The following UBR1 variants were observed in gnomAD, a reference collection of about 807,000 sequenced individuals.
UBR1 encodes the protein E3 ubiquitin-protein ligase UBR1.
UBR1 carries 102 observed loss-of-function variants against 242.1 expected under a neutral mutation model. The ratio of observed to expected loss-of-function variants is 0.42; its 90% CI spans 0.36 to 0.50. The LOEUF (loss-of-function observed/expected upper bound fraction) is 0.50, where lower values mean the gene tolerates loss of function less well. UBR1 is among the 20% of genes least tolerant of loss of function. The probability of loss-of-function intolerance (pLI) is 0.01; values close to 1 mark genes in which losing one functional copy is unlikely to be tolerated. For synonymous variants in UBR1, 675 were observed against 684.8 expected, an observed-to-expected ratio of 0.99 and a Z score of 0.22; for missense variants, 1,772 against 2,101.8, an observed-to-expected ratio of 0.84 and a Z score of 3.07.
At chr15:42,988,611 G>T in intron 35 of UBR1, 1 of 650,324 alleles carries the variant, frequency 1.5e-6, no homozygotes, top group South Asian at 1.9e-5. Flanking sequence ...AACTTATGTT[G>T]CATATGGCCA....
intron 42 of UBR1, among the ~76,000 whole-genome samples, chr15:42,961,112 C>CCTTTT (rs1555441994): frequency 7.1e-6 from 1 of 141,264 alleles, no homozygotes; most frequent in Non-Finnish European, 1.5e-5. Context: ...TATGTTCCCC[C>CCTTTT]TTTTTTTTTT....
intron 37 of UBR1, among the ~76,000 whole-genome samples, chr15:42,979,793 A>G (rs575823907): frequency 3.3e-5 from 5 of 152,164 alleles, no homozygotes; most frequent in African/African-American, 1.2e-4. Context: ...CCTCGCCTCA[A>G]GAGGTCCACC....
At chr15:43,103,401 C>T (rs2034261508) in intron 1 of UBR1, among the ~76,000 whole-genome samples, 1 of 152,126 alleles carries the variant, frequency 6.6e-6, no homozygotes, top group East Asian at 1.9e-4. Context: ...ACAACCTCAA[C>T]TATAAATTTA....
At chr15:43,004,821 C>T (rs1215186482) in intron 30 of UBR1, among the ~76,000 whole-genome samples, 2 of 152,024 alleles carry the variant, frequency 1.3e-5, no homozygotes, top group Admixed American at 6.5e-5. Context: ...AAGTGAGGAG[C>T]GGCTCTGCCT....
At position 42,944,987 on chromosome 15, in the gene UBR1, C is replaced by A. The variant is rs1422738768; in HGVS notation, c.*342G>T. ...GGGGAAAACACCAAATACAAAATTG[C>A]AGAAGAGTTAACCAACATATAAAAT... On this transcript the variant is annotated 3_prime_UTR_variant, in exon 47 of 47. Coordinates refer to ENST00000290650, the MANE Select transcript of UBR1 (RefSeq NM_174916.3). 1.0e-5 allele frequency: 3 copies of A among 291,734 alleles called. No homozygotes were observed. Among genetic ancestry groups the A allele is most frequent in the Non-Finnish European group, 1.3e-5 (2 of 150,678 alleles). The allele number at this position is 291,734 out of a possible 1,614,324, so 18.1% of individuals were successfully genotyped here.
At position 43,079,480 on chromosome 15, in the gene UBR1, G is replaced by A. The variant is rs1567146321; in HGVS notation, c.417+3158C>T. ...CCTAGTAAAACTATTTGACTTTAAA[G>A]ATAAAAGTCCTGAGGGTGGCCAGGA... is the stretch of plus-strand genomic sequence containing the variant. On this transcript the variant is annotated intron_variant, in intron 3 of 46. Coordinates refer to ENST00000290650, the MANE Select transcript of UBR1 (RefSeq NM_174916.3). Among the ~76,000 whole-genome samples, 6 of 152,240 alleles carry A rather than the reference G, an allele frequency of 3.9e-5. No homozygotes were observed. In the South Asian group the frequency reaches 1.2e-3, roughly 32 times the overall value.
rs778561360 is a variant in UBR1 at position 43,017,230 on chromosome 15, C to T, written c.2941-49G>A. On this transcript the variant is annotated intron_variant, in intron 27 of 46. Coordinates refer to ENST00000290650, the MANE Select transcript of UBR1 (RefSeq NM_174916.3). ...AAAAGAGTTAGTTAGACTGTTAGACCGACCAGGAACAGAAACATTCACTAA... is the reference window on the plus strand; with the variant it reads ...AAAAGAGTTAGTTAGACTGTTAGACTGACCAGGAACAGAAACATTCACTAA... 9.3e-6 allele frequency: 12 copies of T among 1,285,928 alleles called. 1 individual carries two copies. The South Asian group carries it at 9.7e-5, about 10-fold the overall frequency. The allele number at this position is 1,285,928 out of a possible 1,614,324, so 79.7% of individuals were successfully genotyped here.
chr15:42,968,514 T>C (rs2032148949), intron 40 of UBR1, among the ~76,000 whole-genome samples: 1 of 151,990 alleles, frequency 6.6e-6, no homozygotes, highest in Non-Finnish European at 1.5e-5. Context: ...CATGAACCAT[T>C]GCACCTAGCT....
In UBR1 at chr15:42,960,677, T is replaced by C; in HGVS notation, c.4725A>G (p.Leu1575=). 1 of 1,614,038 alleles carries C rather than the reference T, an allele frequency of 6.2e-7. No individual in the cohort carries two copies. The highest frequency in any genetic ancestry group is 8.5e-7 in the Non-Finnish European group (1 of 1,179,938). ...CGGTGTTTTTTTGCTTCAAACAGTT[T>C]AGTAAGGCAGGATCTGCACACCACC... The part of the protein sequence containing the change: ...LQRWCADPAL[L]NCLKQKNTVV... Residue 1575 remains leucine, a synonymous_variant, in exon 43 of 47, where the codon CTA becomes CTG. Transcript: ENST00000290650.
At chr15:43,059,582 A>G in intron 8 of UBR1, 120 bp downstream of exon 8, 1 of 1,210,652 alleles carries the variant, frequency 8.3e-7, no homozygotes, top group Non-Finnish European at 1.1e-6. Context: ...ATCAAAGTGT[A>G]TAAACCAAAA....
chr15:43,085,904 C>T, intron 2 of UBR1, 80 bp downstream of exon 2: 1 of 1,435,844 alleles, frequency 7.0e-7, no homozygotes, highest in South Asian at 1.3e-5. Flanking sequence ...CTGGGTCACA[C>T]AGCAAGACTC....
chr15:43,074,837 T>C (rs2033867708), intron 4 of UBR1, 142 bp downstream of exon 4: 3 of 680,120 alleles, frequency 4.4e-6, no homozygotes, highest in Non-Finnish European at 5.3e-6. Flanking sequence ...TCTTTGGAGC[T>C]AGAAAAAAAG....
intron 29 of UBR1, among the ~76,000 whole-genome samples, chr15:43,007,893 A>G (rs895221894): frequency 6.6e-6 from 1 of 152,192 alleles, no homozygotes; most frequent in Admixed American, 6.5e-5. Flanking sequence ...TTAGGTTTCT[A>G]TTCTATTTTG....
At chr15:42,970,116 A>G (rs2032179382) in intron 40 of UBR1, among the ~76,000 whole-genome samples, 1 of 152,190 alleles carries the variant, frequency 6.6e-6, no homozygotes, top group Non-Finnish European at 1.5e-5. Flanking sequence ...ACAATAACCA[A>G]AACAGCATGG....
intron 41 of UBR1, among the ~76,000 whole-genome samples, chr15:42,964,358 A>G (rs532698594): frequency 6.6e-6 from 1 of 152,174 alleles, no homozygotes; most frequent in Non-Finnish European, 1.5e-5. Context: ...AATCCCAGCT[A>G]CTAGGGAGGC....
intron 39 of UBR1, 116 bp from the exon 40 acceptor site, chr15:42,970,723 T>C (rs1040322569): frequency 7.2e-6 from 7 of 975,380 alleles, no homozygotes; most frequent in African/African-American, 6.6e-5. Flanking sequence ...CTGAGGTTCT[T>C]TCCTTTTTTT....
chr15:42,966,823 A>AAAAAACAAAAGCAAAAC (rs1171378740), intron 40 of UBR1, among the ~76,000 whole-genome samples: 2 of 152,164 alleles, frequency 1.3e-5, no homozygotes, highest in Non-Finnish European at 2.9e-5. Flanking sequence ...AGGTGGTGAT[A>AAAAAACAAAAGCAAAAC]AAAAACAAAA....
chr15:42,956,721 G>T (rs1225460956), intron 44 of UBR1, among the ~76,000 whole-genome samples: 1 of 152,194 alleles, frequency 6.6e-6, no homozygotes, highest in Admixed American at 6.5e-5. Flanking sequence ...TTGTGTAGTG[G>T]CTAGCATCCT....
At chr15:43,022,492 G>GT (rs1245745910) in intron 26 of UBR1, among the ~76,000 whole-genome samples, 13 of 150,816 alleles carry the variant, frequency 8.6e-5, no homozygotes, top group Non-Finnish European at 1.6e-4. Flanking sequence ...AAAGATTATA[G>GT]TAAGGGATTA....
Sources: gnomAD v4.1 joint callset for allele counts (sites outside exome capture counted in the v4.1 genomes callset) on GRCh38, gnomAD v4.1.1 for gene constraint, MANE v1.5 for transcripts, NCBI Gene and HGNC (gene_info 2026-07-23, HGNC 2026-07-21) for gene names.